The following POLI variants were observed in gnomAD, a reference collection of about 807,000 sequenced individuals.
POLI encodes DNA polymerase iota.
POLI carries 58 observed loss-of-function variants against 51.6 expected under a neutral mutation model. The ratio of observed to expected loss-of-function variants is 1.12; its 90% confidence interval spans 0.91 to 1.40. The LOEUF (loss-of-function observed/expected upper bound fraction) is 1.40. Among genes scored for constraint, POLI ranks in the 40% most tolerant of loss-of-function variants. The pLI is 0.00. For missense variants in POLI, 921 were observed against 871.3 expected (o/e 1.06, Z -0.72); for synonymous variants, 322 against 299.7 (o/e 1.07, Z -0.77).
chr18:54,303,587 C>T (rs1463651682), intron 3 of POLI, among the ~76,000 whole-genome samples: 1 of 152,034 alleles, frequency 6.6e-6, no homozygotes, highest in East Asian at 1.9e-4. Flanking sequence ...ATTTGTGGAA[C>T]TCCTGCAAGG....
chr18:54,276,983 T>C (rs1258614371), intron 3 of POLI, among the ~76,000 whole-genome samples: 1 of 152,230 alleles, frequency 6.6e-6, no homozygotes, highest in East Asian at 1.9e-4. Context: ...ACTTTCTCAA[T>C]GATTTTAAAG....
chr18:54,281,580 G>A (rs2087502643), intron 5 of POLI, among the ~76,000 whole-genome samples: 1 of 152,050 alleles, frequency 6.6e-6, no homozygotes, highest in Non-Finnish European at 1.5e-5. Context: ...ATTCCAAAAT[G>A]TATTATACAC....
At chr18:54,288,314 A>G (rs190049769) in intron 8 of POLI, among the ~76,000 whole-genome samples, 49 of 152,166 alleles carry the variant, frequency 3.2e-4, no homozygotes, top group Non-Finnish European at 5.4e-4. Context: ...AAGGTCACAG[A>G]TATTTTTTTC....
intron 3 of POLI, among the ~76,000 whole-genome samples, chr18:54,316,839 A>G (rs946998513): frequency 3.3e-5 from 5 of 152,244 alleles, no homozygotes; most frequent in African/African-American, 1.2e-4. Flanking sequence ...GGCAAAATGT[A>G]GAAAGCACCA....
At position 54,294,872 on chromosome 18, in the gene POLI, T is replaced by C; in HGVS notation, c.*405T>C. ...ATATCTCAAATTCAGCCTCTTAGGCTGAATAGCAAATCCTACTGCCAACTA... is the reference window on the plus strand; with the variant it reads ...ATATCTCAAATTCAGCCTCTTAGGCCGAATAGCAAATCCTACTGCCAACTA... On this transcript the variant is annotated 3_prime_UTR_variant, in exon 10 of 10. Coordinates refer to ENST00000579534, the MANE Select transcript of POLI (RefSeq NM_007195.3). 1.0e-6 allele frequency: 1 copy of C among 985,070 alleles called. No individual in the cohort carries two copies. 61.0% of individuals were successfully genotyped at this position (985,070 alleles called of 1,614,324 possible).
intron 2 of POLI, chr18:54,272,171 C>T (rs1043177380): frequency 5.3e-5 from 8 of 152,158 alleles, no homozygotes; most frequent in African/African-American, 1.7e-4. Flanking sequence ...CCCACTTTGG[C>T]TTAATAAATC....
At chr18:54,283,165 G>A (rs2144526235) in intron 6 of POLI, 150 bp downstream of exon 6, 4 of 507,030 alleles carry the variant, frequency 7.9e-6, no homozygotes, top group Middle Eastern at 4.0e-4. Context: ...TTAATAGATT[G>A]GATTAATAAG....
intron 3 of POLI, among the ~76,000 whole-genome samples, chr18:54,310,485 A>ATT (rs5825068): frequency 2.3e-3 from 343 of 147,340 alleles, no homozygotes; most frequent in African/African-American, 4.3e-3. Context: ...ATTACCTACT[A>ATT]TTTTTTTTTT....
chr18:54,272,563 TG>T (rs2087052143), intron 2 of POLI, among the ~76,000 whole-genome samples: 1 of 151,922 alleles, frequency 6.6e-6, no homozygotes, highest in Non-Finnish European at 1.5e-5. Flanking sequence ...GCTTTGCCTC[TG>T]GGGCTCAGGT....
At position 54,318,052 on chromosome 18, in the gene POLI, T is replaced by A. The variant is rs569711903; in HGVS notation, c.334-2221T>A. On this transcript the variant is annotated intron_variant, in intron 3 of 4. Transcript: ENST00000579823. ...CCACTTGAACCTGGGTGTTTTATAATATTGAATTCGTGCAATATAGTATAT... is the reference window on the plus strand; with the variant it reads ...CCACTTGAACCTGGGTGTTTTATAAAATTGAATTCGTGCAATATAGTATAT... 1.1e-3 allele frequency among the ~76,000 whole-genome samples: 168 copies of A among 152,278 alleles called. 4 individuals carry two copies. The South Asian group carries it at 0.031, about 28-fold the overall frequency.
chr18:54,292,486 G>C (rs566274020), intron 9 of POLI, among the ~76,000 whole-genome samples: 1 of 152,118 alleles, frequency 6.6e-6, no homozygotes, highest in East Asian at 1.9e-4. Context: ...TAGCAATATT[G>C]ATAGATTTGA....
At chr18:54,303,127 G>A (rs1283014533), downstream of POLI, among the ~76,000 whole-genome samples, 3 of 152,188 alleles carry the variant, frequency 2.0e-5, no homozygotes, top group East Asian at 5.8e-4. Context: ...TGGTTCCAAT[G>A]TAGACTTAAA....
chr18:54,278,993 T>C (rs988519960), intron 4 of POLI, among the ~76,000 whole-genome samples: 11 of 152,220 alleles, frequency 7.2e-5, no homozygotes, highest in African/African-American at 2.7e-4. Context: ...CTTTTGTACT[T>C]GTGCTCATTT....
At chr18:54,309,964 G>T (rs2088649043) in intron 3 of POLI, among the ~76,000 whole-genome samples, 1 of 152,216 alleles carries the variant, frequency 6.6e-6, no homozygotes, top group Non-Finnish European at 1.5e-5. Context: ...TTGAGTGGGA[G>T]TGTCCCGTTT....
At position 54,293,596 on chromosome 18, in the gene POLI, G is replaced by A. The variant is rs561919212; in HGVS notation, c.1405-53G>A. 6.6e-6 allele frequency: 8 copies of A among 1,216,238 alleles called. No homozygotes were observed. In the East Asian group the frequency reaches 7.5e-5, roughly 11 times the overall value. The allele number at this position is 1,216,238 out of a possible 1,614,324, so 75.3% of individuals were successfully genotyped here. ...GCTACAGGCACACAGCAGCAGCAGC[G>A]ATATTTAAAAGATATCAGATATGTA... On this transcript the variant is annotated intron_variant, in intron 9 of 9. Transcript: ENST00000579534.
intron 3 of POLI, among the ~76,000 whole-genome samples, chr18:54,276,394 G>A (rs887574258): frequency 2.7e-4 from 41 of 152,164 alleles, no homozygotes; most frequent in Non-Finnish European, 2.5e-4. Context: ...CTTCAGGGAC[G>A]GGATAATTAG....
At chr18:54,280,974 A>G in intron 5 of POLI, 71 bp downstream of exon 5, 1 of 789,208 alleles carries the variant, frequency 1.3e-6, no homozygotes, top group Non-Finnish European at 2.0e-6. Flanking sequence ...AATTATAGAT[A>G]CAATGTAATT....
At chr18:54,292,927 G>A (rs1390730148) in intron 9 of POLI, among the ~76,000 whole-genome samples, 2 of 152,016 alleles carry the variant, frequency 1.3e-5, no homozygotes, top group Admixed American at 1.3e-4. Context: ...GTAAATATAA[G>A]TGAAAGTACC....
chr18:54,304,521 G>A (rs1377863794), intron 3 of POLI, among the ~76,000 whole-genome samples: 1 of 152,222 alleles, frequency 6.6e-6, no homozygotes, highest in African/African-American at 2.4e-5. Flanking sequence ...GTGATGATGA[G>A]CATTTTTTCA....
Sources: gnomAD v4.1 joint callset for allele counts (sites outside exome capture counted in the v4.1 genomes callset) on GRCh38, gnomAD v4.1.1 for gene constraint, MANE v1.5 for transcripts, NCBI Gene and HGNC (gene_info 2026-07-23, HGNC 2026-07-21) for gene names.